ANXA6: variants seen among roughly 807,000 people sequenced by gnomAD.
ANXA6 encodes annexin A6.
In ANXA6, 71 loss-of-function variants were observed where a neutral mutation model predicts 95.4. The observed-to-expected ratio is 0.74, with a 90% CI of 0.61 to 0.91. The LOEUF (loss-of-function observed/expected upper bound fraction) is 0.91. ANXA6 is among the 40% of genes least tolerant of loss of function. The pLI is 0.00. For synonymous variants in ANXA6, 289 were observed against 315.9 expected, an observed-to-expected ratio of 0.91 and a Z score of 0.90; for missense variants, 830 against 876.4, an observed-to-expected ratio of 0.95 and a Z score of 0.67.
At chr5:151,122,772 G>A in intron 16 of ANXA6, 145 bp downstream of exon 16, 1 of 679,760 alleles carries the variant, frequency 1.5e-6, no homozygotes, top group Non-Finnish European at 2.6e-6. Context: ...CAGTGCTGGA[G>A]ACACTCTGAG....
At chr5:151,134,719 A>G (rs1765609268) in intron 7 of ANXA6, among the ~76,000 whole-genome samples, 1 of 152,142 alleles carries the variant, frequency 6.6e-6, no homozygotes, top group Non-Finnish European at 1.5e-5. Flanking sequence ...GAGAGTCCCA[A>G]GAACAACCAA....
At chr5:151,132,649 G>A (rs1420863061) in intron 9 of ANXA6, 78 bp from the exon 10 acceptor site, 2 of 1,218,956 alleles carry the variant, frequency 1.6e-6, no homozygotes, top group Non-Finnish European at 2.3e-6. Context: ...CAAGAGCAGG[G>A]GGGCACAGTG....
intron 19 of ANXA6, 65 bp downstream of exon 19, chr5:151,117,693 A>C: frequency 4.2e-6 from 6 of 1,422,108 alleles, no homozygotes; most frequent in Non-Finnish European, 5.9e-6. Flanking sequence ...TCCACTCAGT[A>C]AACCTTCCCT....
At chr5:151,129,784 C>T (rs1354480237) in intron 11 of ANXA6, among the ~76,000 whole-genome samples, 1 of 152,120 alleles carries the variant, frequency 6.6e-6, no homozygotes, top group African/African-American at 2.4e-5. Context: ...GATCTCAGCT[C>T]ACTACAACCT....
chr5:151,129,935 T>C (rs974479399), intron 11 of ANXA6, among the ~76,000 whole-genome samples: 3 of 152,220 alleles, frequency 2.0e-5, no homozygotes, highest in Non-Finnish European at 4.4e-5. Context: ...GGTCTTGAAC[T>C]GGCCTCAAGG....
intron 1 of ANXA6, among the ~76,000 whole-genome samples, chr5:151,154,010 T>C (rs1384338747): frequency 6.6e-6 from 1 of 152,148 alleles, no homozygotes; most frequent in Non-Finnish European, 1.5e-5. Flanking sequence ...TTTCATGCTT[T>C]CTTTAGTGAC....
intron 14 of ANXA6, 117 bp from the exon 15 acceptor site, chr5:151,124,484 G>T: frequency 2.2e-6 from 2 of 930,060 alleles, no homozygotes; most frequent in Non-Finnish European, 3.4e-6. Flanking sequence ...AGCGGCGTGG[G>T]TGGGGAAAGA....
At chr5:151,127,174 A>G (rs1042675476) in intron 13 of ANXA6, among the ~76,000 whole-genome samples, 1 of 152,258 alleles carries the variant, frequency 6.6e-6, no homozygotes, top group Non-Finnish European at 1.5e-5. Context: ...TGGCCATGCC[A>G]GCCCTGCATC....
intron 9 of ANXA6, 80 bp from the exon 10 acceptor site, chr5:151,132,651 G>T: frequency 1.6e-6 from 2 of 1,213,916 alleles, no homozygotes; most frequent in South Asian, 1.3e-5. Flanking sequence ...AGAGCAGGGG[G>T]GCACAGTGGC....
chr5:151,108,782 G>A (rs1363970097), intron 22 of ANXA6, among the ~76,000 whole-genome samples: 2 of 152,228 alleles, frequency 1.3e-5, no homozygotes, highest in Non-Finnish European at 2.9e-5. Context: ...GCCAGTCCCC[G>A]TGCCTGGCCA....
In ANXA6 at chr5:151,131,233, T is replaced by C. The variant is rs746884937; in HGVS notation, c.793A>G (p.Lys265Glu). The change falls in exon 11 of 26, where the codon AAG becomes GAG. Residue 265 changes from lysine (K) to glutamate (E), a missense_variant and splice_region_variant. Coordinates refer to ENST00000354546, the MANE Select transcript of ANXA6 (RefSeq NM_001155.5). ...YFAERLFKAM[K>E]GLGTRDNTLI... ...TTCACATCAGCCCCACCACGCACCT[T>C]CATAGCCTTGAAGAGCCTTTCAGCA... 1 of 1,613,966 alleles carries C rather than the reference T, an allele frequency of 6.2e-7. No individual in the cohort carries two copies. The highest frequency in any genetic ancestry group is 1.1e-5 in the South Asian group (1 of 91,078).
chr5:151,139,282 G>T, intron 4 of ANXA6, 71 bp downstream of exon 4: 1 of 1,156,886 alleles, frequency 8.6e-7, no homozygotes, highest in Non-Finnish European at 1.2e-6. Context: ...GAAATAACCT[G>T]AACGAGCACA....
chr5:151,105,418 A>G, intron 23 of ANXA6, 115 bp from the exon 24 acceptor site: 1 of 866,784 alleles, frequency 1.2e-6, no homozygotes, highest in East Asian at 2.6e-5. Context: ...TCTGCAGATC[A>G]TTGTCAACCC....
rs77820968 is a variant in ANXA6, at chr5:151,128,384, T to C, written c.919-145A>G. 7.0e-3 allele frequency: 4,791 copies of C among 680,306 alleles called. 14 individuals carry two copies. Among genetic ancestry groups the C allele is most frequent in the Non-Finnish European group, 9.7e-3 (3,805 of 393,900 alleles). 42.1% of individuals were successfully genotyped at this position (680,306 alleles called of 1,614,324 possible). ...GCCCTGGCCCTCCTGTGCTGGTTAA[T>C]ATTGAATAACTGGTTCTCAGCGGGC... On this transcript the variant is annotated intron_variant, in intron 12 of 25. Transcript: ENST00000354546.
chr5:151,156,041 T>G (rs1219916523), intron 1 of ANXA6, among the ~76,000 whole-genome samples: 1 of 152,242 alleles, frequency 6.6e-6, no homozygotes, highest in African/African-American at 2.4e-5. Flanking sequence ...ACATCTACAT[T>G]TTGCCCCAGC....
At chr5:151,109,976 G>A in intron 21 of ANXA6, 130 bp from the exon 22 acceptor site, 1 of 671,016 alleles carries the variant, frequency 1.5e-6, no homozygotes, top group Admixed American at 2.2e-5. Flanking sequence ...ATCCAAGGGG[G>A]CCGAGACTGG....
At chr5:151,126,349 C>G in intron 14 of ANXA6, 53 bp downstream of exon 14, 1 of 1,496,872 alleles carries the variant, frequency 6.7e-7, no homozygotes, top group South Asian at 1.2e-5. Context: ...CAGGAAGGTG[C>G]AAGCAGAGAA....
chr5:151,126,540 AC>A, intron 13 of ANXA6, 60 bp from the exon 14 acceptor site: 1 of 1,057,830 alleles, frequency 9.5e-7, no homozygotes, highest in Non-Finnish European at 1.4e-6. Context: ...CAACACTCAC[AC>A]CAACACACAC....
At position 151,131,274 on chromosome 5, in the gene ANXA6, C is replaced by G; in HGVS notation, c.752G>C (p.Ser251Thr). The change falls in exon 11 of 26, where the codon AGC (serine) becomes ACC (threonine). Residue 251 changes from serine (S) to threonine (T), a missense_variant. Ser to Thr is a moderately conservative substitution (Grantham distance 58). Coordinates refer to ENST00000354546, the MANE Select transcript of ANXA6 (RefSeq NM_001155.5). ...CCTTTCAGCAAAATATTCCGGGGTG[C>G]TCCGGATACACTTCACTGTGAAGAG... Reference protein sequence around the residue: ...LMLAVVKCIRSTPEYFAERLF... With the variant: ...LMLAVVKCIRTTPEYFAERLF... 2 of 1,613,966 alleles carry G rather than the reference C, an allele frequency of 1.2e-6. No homozygotes were observed. The highest frequency in any genetic ancestry group is 1.7e-6 in the Non-Finnish European group (2 of 1,179,860).
Sources: gnomAD v4.1 joint callset for allele counts (sites outside exome capture counted in the v4.1 genomes callset) on GRCh38, gnomAD v4.1.1 for gene constraint, MANE v1.5 for transcripts, NCBI Gene and HGNC (gene_info 2026-07-23, HGNC 2026-07-21) for gene names.